Variants in RAP1GAP2 observed in about 807,000 individuals in gnomAD.
RAP1GAP2 encodes the protein rap1 GTPase-activating protein 2.
A neutral mutation model predicts 95.0 loss-of-function variants in RAP1GAP2; 27 were observed. The ratio of observed to expected loss-of-function variants is 0.28; its 90% CI spans 0.21 to 0.39. The LOEUF (loss-of-function observed/expected upper bound fraction) is 0.39, where lower values mean the gene tolerates loss of function less well. Ranked by LOEUF, RAP1GAP2 falls within the 10% of genes least tolerant of loss-of-function variation. RAP1GAP2 has a pLI of 1.00. For synonymous variants in RAP1GAP2, 373 were observed against 380.9 expected (o/e 0.98, Z 0.24); for missense variants, 771 against 970.0 (o/e 0.79, Z 2.72).
At chr17:3,011,609 GTT>G (rs555219792) in intron 17 of RAP1GAP2, among the ~76,000 whole-genome samples, 4 of 109,682 alleles carry the variant, frequency 3.6e-5, no homozygotes, top group Admixed American at 2.1e-4. Flanking sequence ...TCCTGTCAAA[GTT>G]TTTTTTTTTT....
intron 17 of RAP1GAP2, among the ~76,000 whole-genome samples, chr17:3,012,636 C>T (rs984259732): frequency 3.0e-5 from 4 of 132,784 alleles, no homozygotes; most frequent in Non-Finnish European, 3.2e-5. Flanking sequence ...AAAAAACAAA[C>T]CTAAAGTTTG....
chr17:2,966,378 A>C (rs921116273), intron 8 of RAP1GAP2, among the ~76,000 whole-genome samples: 6 of 152,160 alleles, frequency 3.9e-5, no homozygotes, highest in Admixed American at 2.0e-4. Context: ...GCACGAAGGA[A>C]TCTGTGTCTT....
chr17:2,944,102 T>G (rs1285526215), intron 3 of RAP1GAP2, among the ~76,000 whole-genome samples: 1 of 150,228 alleles, frequency 6.7e-6, no homozygotes, highest in East Asian at 2.0e-4. Context: ...TGAGCCGAGA[T>G]TGCGCCATTG....
chr17:2,852,176 T>C (rs1026346538), intron 2 of RAP1GAP2, among the ~76,000 whole-genome samples: 2 of 152,196 alleles, frequency 1.3e-5, no homozygotes, highest in African/African-American at 4.8e-5. Context: ...CATTTTATTC[T>C]TTTTCCAGAC....
intron 3 of RAP1GAP2, among the ~76,000 whole-genome samples, chr17:2,934,694 C>T (rs537548353): frequency 1.3e-5 from 2 of 152,302 alleles, no homozygotes; most frequent in Admixed American, 1.3e-4. Context: ...AATCAGGGTG[C>T]ATCTCATGAG....
At chr17:2,995,843 G>A (rs991530314) in intron 13 of RAP1GAP2, among the ~76,000 whole-genome samples, 4 of 152,224 alleles carry the variant, frequency 2.6e-5, no homozygotes, top group African/African-American at 7.2e-5. Flanking sequence ...GTCATAGAGG[G>A]TGGTGGCAAA....
At chr17:2,806,392 T>TTATTAC (rs2151489586) in intron 2 of RAP1GAP2, among the ~76,000 whole-genome samples, 1 of 148,104 alleles carries the variant, frequency 6.8e-6, no homozygotes, top group South Asian at 2.1e-4. Flanking sequence ...ATTATTATTA[T>TTATTAC]TATTATTATT....
intron 3 of RAP1GAP2, among the ~76,000 whole-genome samples, chr17:2,911,172 C>T (rs2042366321): frequency 1.3e-5 from 2 of 152,182 alleles, no homozygotes; most frequent in Non-Finnish European, 2.9e-5. Flanking sequence ...GCCGCGCTCC[C>T]CCCGGGCCCC....
chr17:2,757,170 G>C (rs975317443), intron 1 of RAP1GAP2, among the ~76,000 whole-genome samples: 7 of 152,166 alleles, frequency 4.6e-5, no homozygotes, highest in Admixed American at 2.0e-4. Context: ...CCAGGCTGGA[G>C]TGCAGTGGTG....
At chr17:2,938,497 G>A (rs1022352025) in intron 3 of RAP1GAP2, among the ~76,000 whole-genome samples, 4 of 152,082 alleles carry the variant, frequency 2.6e-5, no homozygotes, top group African/African-American at 4.8e-5. Flanking sequence ...GGGCTGAGCC[G>A]GGGCTGGCTT....
chr17:2,903,051 G>A lies in RAP1GAP2; in HGVS notation c.81-2233G>A, dbSNP rs1167669296. Among the ~76,000 whole-genome samples the A allele has an allele frequency of 1.3e-5, 2 of 152,190 alleles. No homozygotes were observed. Among genetic ancestry groups the A allele is most frequent in the Non-Finnish European group, 2.9e-5 (2 of 68,030 alleles). On this transcript the variant is annotated intron_variant, in intron 2 of 24. Transcript: ENST00000254695. This position sits in a 1 kb window ranked among gnomAD's most constrained non-coding sequence, Gnocchi z 4.1. Reference sequence around the variant, plus strand: ...GAGAGCCAGGGCTGCTGTCCATCAAGGTGCCTGCGAGCCATCTCCAGAGGC... The same window carrying A: ...GAGAGCCAGGGCTGCTGTCCATCAAAGTGCCTGCGAGCCATCTCCAGAGGC...
At chr17:2,784,682 C>A (rs1399845072) in intron 1 of RAP1GAP2, among the ~76,000 whole-genome samples, 1 of 152,226 alleles carries the variant, frequency 6.6e-6, no homozygotes, top group Non-Finnish European at 1.5e-5. Flanking sequence ...GTCCAGGAGG[C>A]ATCTTACTGT....
At chr17:2,882,354 C>T (rs2151671526) in intron 2 of RAP1GAP2, among the ~76,000 whole-genome samples, 2 of 150,660 alleles carry the variant, frequency 1.3e-5, no homozygotes, top group Non-Finnish European at 2.9e-5. Flanking sequence ...TGCAGTGGCA[C>T]AATCTCAACT....
rs1207816785 is a variant in RAP1GAP2 at position 2,887,457 on chromosome 17, C to A, written c.81-17827C>A. ...TGGCGTGATCTCGGCTCACTACAACCTCCACCTCCTGGGTTCAAGCGATTT... is the reference window on the plus strand; with the variant it reads ...TGGCGTGATCTCGGCTCACTACAACATCCACCTCCTGGGTTCAAGCGATTT... On this transcript the variant is annotated intron_variant, in intron 2 of 24. Transcript: ENST00000254695. Among the ~76,000 whole-genome samples, 7 of 151,962 alleles carry A rather than the reference C, an allele frequency of 4.6e-5. No individual in the cohort carries two copies. In the East Asian group the frequency reaches 1.4e-3, roughly 29 times the overall value.
intron 8 of RAP1GAP2, among the ~76,000 whole-genome samples, chr17:2,973,155 T>G (rs2044947015): frequency 1.3e-5 from 2 of 152,088 alleles, no homozygotes; most frequent in South Asian, 4.1e-4. Flanking sequence ...GGAGCTCAGA[T>G]TTTATCCTAA....
At chr17:2,946,372 G>A (rs763852334) in intron 3 of RAP1GAP2, among the ~76,000 whole-genome samples, 5 of 152,016 alleles carry the variant, frequency 3.3e-5, no homozygotes, top group Non-Finnish European at 5.9e-5. Flanking sequence ...GTGTTTGGTC[G>A]GCTTCACTAT....
At chr17:2,795,093 G>A (rs890641801), upstream of RAP1GAP2, among the ~76,000 whole-genome samples, 4 of 151,854 alleles carry the variant, frequency 2.6e-5, no homozygotes, top group African/African-American at 9.7e-5. Context: ...GGCCAGGCTG[G>A]TCTCGAACTC....
At chr17:2,830,821 A>G (rs1468580712) in intron 2 of RAP1GAP2, among the ~76,000 whole-genome samples, 1 of 151,930 alleles carries the variant, frequency 6.6e-6, no homozygotes, top group Non-Finnish European at 1.5e-5. Flanking sequence ...TGTGGTAGAA[A>G]GATTTGCTTG....
intron 16 of RAP1GAP2, 32 bp from the exon 17 acceptor site, chr17:3,007,979 A>C (rs1300831364): frequency 6.2e-7 from 1 of 1,609,092 alleles, no homozygotes; most frequent in African/African-American, 1.3e-5. Flanking sequence ...TCTCAGAGCC[A>C]GCTTCTCCAT....
Sources: allele counts gnomAD v4.1 joint callset (sites outside exome capture counted in the v4.1 genomes callset), GRCh38; gene constraint gnomAD v4.1.1; non-coding constraint Gnocchi (gnomAD v3.1); transcripts MANE v1.5; gene names NCBI Gene and HGNC (gene_info 2026-07-23, HGNC 2026-07-21).